DLG5: variants seen among roughly 807,000 people sequenced by gnomAD.
DLG5 encodes the protein disks large homolog 5.
A neutral mutation model predicts 189.8 loss-of-function variants in DLG5; 48 were observed. The observed-to-expected ratio is 0.25, with a 90% CI of 0.20 to 0.32. The LOEUF is 0.32. Among genes scored for constraint, DLG5 ranks in the 10% least tolerant of loss-of-function variants. DLG5 has a pLI of 1.00. For synonymous variants in DLG5, 1,016 were observed against 1,054.1 expected (o/e 0.96, Z 0.70); for missense variants, 2,160 against 2,544.7 (o/e 0.85, Z 3.25).
Position 77,819,957 on chromosome 10 carries a change from T to G in DLG5, c.3464A>C (p.Tyr1155Ser). 1 of 1,611,700 alleles carries G rather than the reference T, an allele frequency of 6.2e-7. No homozygotes were observed. The highest frequency in any genetic ancestry group is 2.2e-5 in the East Asian group (1 of 44,786). ...GTGCCGGCTGGAATGCCCAGGCGAG[T>G]AAGGTGCCCACTCCTGGAGCTCCGG... ...LSPELQEWAPYSPGHSSRHSN... is the reference protein window; with the variant it reads ...LSPELQEWAPSSPGHSSRHSN... The change falls in exon 16 of 32, where the codon TAC becomes TCC. Residue 1155 changes from tyrosine (Y) to serine (S), a missense_variant. By Grantham distance (144) the Tyr-to-Ser change is moderately radical (BLOSUM62 -2). Around this residue, in one of 5 missense-constraint regions of DLG5, gnomAD observed 754 missense variants for 746.5 expected, o/e 1.01. Transcript: ENST00000372391.
At chr10:77,852,671 A>G (rs751697574) in intron 5 of DLG5, among the ~76,000 whole-genome samples, 3 of 152,122 alleles carry the variant, frequency 2.0e-5, no homozygotes, top group Non-Finnish European at 2.9e-5. Context: ...TCGGCCTCCC[A>G]AAGTGCTGGG....
Position 77,833,935 on chromosome 10 carries a change from C to T in DLG5, c.1727G>A (p.Ser576Asn). ...DDTRKQKNDV[S>N]RELKELKEQM... is the part of the protein sequence containing the mutation. ...CTACTTGAGCTCCTTCAGCTCGCGG[C>T]TGACATCATTCTTCTGCTTGCGGGT... Residue 576 changes from serine to asparagine, a missense_variant, in exon 9 of 32, where the codon AGC (serine) becomes AAC (asparagine). Transcript: ENST00000372391. 6.2e-7 allele frequency: 1 copy of T among 1,606,846 alleles called. No individual in the cohort carries two copies. The highest frequency in any genetic ancestry group is 8.5e-7 in the Non-Finnish European group (1 of 1,179,960).
intron 1 of DLG5, among the ~76,000 whole-genome samples, chr10:77,916,353 C>T (rs1382955868): frequency 1.3e-5 from 2 of 151,946 alleles, no homozygotes; most frequent in Non-Finnish European, 2.9e-5. Flanking sequence ...TGAAATGGCA[C>T]GATCTCAGCT....
chr10:77,846,776 T>C (rs1442734636), intron 5 of DLG5: 2 of 454,342 alleles, frequency 4.4e-6, no homozygotes, highest in Non-Finnish European at 8.8e-6. Flanking sequence ...TCCAAATGAG[T>C]CTGCTTTGCT....
At chr10:77,800,148 A>G (rs1460865990) in intron 27 of DLG5, among the ~76,000 whole-genome samples, 1 of 152,200 alleles carries the variant, frequency 6.6e-6, no homozygotes, top group East Asian at 1.9e-4. Context: ...TAAAGCAGGA[A>G]TTCAAAACCC....
At chr10:77,880,117 G>C (rs1845230533) in intron 1 of DLG5, among the ~76,000 whole-genome samples, 1 of 151,896 alleles carries the variant, frequency 6.6e-6, no homozygotes, top group African/African-American at 2.4e-5. Context: ...GAAGACAGAG[G>C]AGAAGTGGGT....
At chr10:77,880,887 A>G (rs186530233) in intron 1 of DLG5, among the ~76,000 whole-genome samples, 1 of 151,462 alleles carries the variant, frequency 6.6e-6, no homozygotes, top group East Asian at 2.0e-4. Context: ...GAAGCCAAGT[A>G]ACTTGCCCAA....
At chr10:77,880,319 T>C (rs1332699068) in intron 1 of DLG5, among the ~76,000 whole-genome samples, 4 of 152,104 alleles carry the variant, frequency 2.6e-5, no homozygotes, top group Admixed American at 6.5e-5. Context: ...CCGGCCATGG[T>C]GGCGCATGCC....
Position 77,867,324 on chromosome 10 carries a change from G to C in DLG5, c.373+1805C>G, listed in dbSNP as rs186886371. On this transcript the variant is annotated intron_variant, in intron 2 of 31. Coordinates refer to ENST00000372391, the MANE Select transcript of DLG5 (RefSeq NM_004747.4). ...GATTTAACCCTTGAAATGCCGATGG[G>C]AATGAGTTTACTGATTGCTATCTGT... 8.5e-4 allele frequency among the ~76,000 whole-genome samples: 130 copies of C among 152,296 alleles called. No homozygotes were observed. The Middle Eastern group carries it at 0.014, about 16-fold the overall frequency.
intron 19 of DLG5, 84 bp downstream of exon 19, chr10:77,816,923 T>C: frequency 2.0e-6 from 3 of 1,492,286 alleles, no homozygotes; most frequent in Non-Finnish European, 2.8e-6. Flanking sequence ...GACTATGAAG[T>C]TCTCAGCTAA....
intron 2 of DLG5, 122 bp downstream of exon 2, chr10:77,869,007 G>A: frequency 1.3e-6 from 1 of 780,054 alleles, no homozygotes; most frequent in South Asian, 1.6e-5. Context: ...ATCAACGGAA[G>A]GATGATCCTG....
rs1296030845 is a variant in DLG5 at position 77,792,007 on chromosome 10, A to C, written c.*433T>G. The stretch of plus-strand genomic sequence containing the variant: ...CCAAGGTCGTTTTGCTGAAGACGGG[A>C]ACGAAACCAACACCAAAGCGACAGG... On this transcript the variant is annotated 3_prime_UTR_variant, in exon 32 of 32. Coordinates refer to ENST00000372391, the MANE Select transcript of DLG5 (RefSeq NM_004747.4). 2 of 173,522 alleles carry C rather than the reference A, an allele frequency of 1.2e-5. No homozygotes were observed. Among genetic ancestry groups the C allele is most frequent in the Non-Finnish European group, 2.5e-5 (2 of 81,344 alleles). 10.7% of individuals were successfully genotyped at this position (173,522 alleles called of 1,614,324 possible).
At chr10:77,840,753 G>A (rs1488832269) in intron 7 of DLG5, among the ~76,000 whole-genome samples, 1 of 152,082 alleles carries the variant, frequency 6.6e-6, no homozygotes, top group Non-Finnish European at 1.5e-5. Context: ...GGCCTAGAGA[G>A]GTTCGAGACC....
At chr10:77,928,821 G>T (rs924438815), upstream of DLG5, 2 of 152,172 alleles carry the variant, frequency 1.3e-5, no homozygotes, top group Non-Finnish European at 2.9e-5. Context: ...GAGCTCAGGA[G>T]TTGGAGACCA....
chr10:77,869,430 AG>A (rs1844813327), intron 1 of DLG5: 1 of 502,100 alleles, frequency 2.0e-6, no homozygotes, highest in East Asian at 4.0e-5. Context: ...AGGCGGGCAG[AG>A]GGGAACTTGG....
At chr10:77,895,379 G>C (rs1278178466) in intron 1 of DLG5, among the ~76,000 whole-genome samples, 1 of 152,154 alleles carries the variant, frequency 6.6e-6, no homozygotes, top group East Asian at 1.9e-4. Flanking sequence ...CATCAAAAGG[G>C]GAAAAGAGAG....
rs763965031 is a variant in DLG5, at chr10:77,828,955, T to A, written c.2216A>T (p.Tyr739Phe). 36 of 1,613,988 alleles carry A rather than the reference T, an allele frequency of 2.2e-5. No homozygotes were observed. The highest frequency in any genetic ancestry group is 3.1e-5 in the Non-Finnish European group (36 of 1,180,012). ...GCTTCCAGGCAGCACAGCGGCAGCA[T>A]ACACTCCATTCTCCAGACTGATGCC... ...DSGISLENGV[Y>F]AAAVLPGSPA... The change falls in exon 13 of 32, where the codon TAT (tyrosine) becomes TTT (phenylalanine). Residue 739 changes from tyrosine (Y) to phenylalanine (F), a missense_variant. By Grantham distance (22) the Tyr-to-Phe change is conservative. Transcript: ENST00000372391.
At chr10:77,924,791 C>T (rs145802617) in intron 1 of DLG5, among the ~76,000 whole-genome samples, 115 of 152,178 alleles carry the variant, frequency 7.6e-4, no homozygotes, top group African/African-American at 1.9e-3. Context: ...AAAGTGGAGA[C>T]GGGAGGGCCA....
At chr10:77,857,849 C>A (rs1844311430) in intron 2 of DLG5, among the ~76,000 whole-genome samples, 1 of 152,224 alleles carries the variant, frequency 6.6e-6, no homozygotes, top group African/African-American at 2.4e-5. Context: ...TGGATGGGAT[C>A]TGGCAGGCTG....
Sources: gnomAD v4.1 joint callset for allele counts (sites outside exome capture counted in the v4.1 genomes callset) on GRCh38, gnomAD v4.1.1 for gene constraint, gnomAD v4.1.1 regional missense constraint, MANE v1.5 for transcripts, NCBI Gene and HGNC (gene_info 2026-07-23, HGNC 2026-07-21) for gene names.